PPFIBP1: variants seen among roughly 807,000 people sequenced by gnomAD.
The protein encoded by PPFIBP1 is PPFIB scaffold protein 1, also known as liprin-beta-1.
A neutral mutation model predicts 137.8 loss-of-function variants in PPFIBP1; 112 were observed. The ratio of observed to expected loss-of-function variants is 0.81; its 90% CI spans 0.70 to 0.95. The LOEUF is 0.95. Among genes scored for constraint, PPFIBP1 ranks in the 40% least tolerant of loss-of-function variants. PPFIBP1 has a pLI of 0.00. For synonymous variants in PPFIBP1, 378 were observed against 417.3 expected, an observed-to-expected ratio of 0.91 and a Z score of 1.15; for missense variants, 1,083 against 1,196.6, an observed-to-expected ratio of 0.91 and a Z score of 1.40.
At chr12:27,682,245 C>G (rs1391573923) in intron 22 of PPFIBP1, 142 bp from the exon 23 acceptor site, 2 of 667,282 alleles carry the variant, frequency 3.0e-6, no homozygotes. Context: ...TTCAACAACA[C>G]TTTACTAGCC....
intron 4 of PPFIBP1, among the ~76,000 whole-genome samples, chr12:27,640,499 C>T (rs2058040945): frequency 2.0e-5 from 3 of 152,142 alleles, no homozygotes; most frequent in Admixed American, 6.5e-5. Flanking sequence ...ACACTGGGAA[C>T]TTCTTTTTTC....
At chr12:27,540,511 A>G (rs1044915753) in intron 1 of PPFIBP1, among the ~76,000 whole-genome samples, 1 of 151,772 alleles carries the variant, frequency 6.6e-6, no homozygotes, top group Non-Finnish European at 1.5e-5. Context: ...GATTACAGGC[A>G]TGGGCTATTG....
chr12:27,682,810 T>A, intron 24 of PPFIBP1, 107 bp downstream of exon 24: 1 of 1,551,650 alleles, frequency 6.4e-7, no homozygotes, highest in South Asian at 1.2e-5. Context: ...CACCAGAGTT[T>A]GAAGCTGTTG....
intron 2 of PPFIBP1, among the ~76,000 whole-genome samples, chr12:27,598,969 T>G (rs1291149689): frequency 6.6e-6 from 1 of 152,204 alleles, no homozygotes; most frequent in Non-Finnish European, 1.5e-5. Flanking sequence ...TGATAGTATG[T>G]TGTGGATTTA....
intron 1 of PPFIBP1, among the ~76,000 whole-genome samples, chr12:27,541,275 T>TA (rs1482181419): frequency 6.7e-6 from 1 of 150,288 alleles, no homozygotes; most frequent in Non-Finnish European, 1.5e-5. Flanking sequence ...AAAAAAAAAA[T>TA]AGAGAAAGTT....
chr12:27,529,024 A>G (rs1944101886), intron 1 of PPFIBP1, among the ~76,000 whole-genome samples: 1 of 152,250 alleles, frequency 6.6e-6, no homozygotes. Flanking sequence ...TAGAAAGATC[A>G]TGTAGTGGTT....
intron 2 of PPFIBP1, among the ~76,000 whole-genome samples, chr12:27,619,062 A>G (rs568671468): frequency 3.3e-5 from 5 of 152,134 alleles, no homozygotes; most frequent in Non-Finnish European, 7.4e-5. Flanking sequence ...CTATAGGAGT[A>G]CTTGATGATG....
intron 9 of PPFIBP1, among the ~76,000 whole-genome samples, chr12:27,657,289 TGA>T (rs1253746947): frequency 1.3e-5 from 2 of 152,098 alleles, no homozygotes; most frequent in Non-Finnish European, 2.9e-5. Flanking sequence ...AGGTTTGTTC[TGA>T]GTATTATATG....
At chr12:27,647,453 T>G (rs7959051) in intron 5 of PPFIBP1, among the ~76,000 whole-genome samples, 1 of 152,214 alleles carries the variant, frequency 6.6e-6, no homozygotes, top group Non-Finnish European at 1.5e-5. Context: ...CATGCTGTCT[T>G]TCATAAATGG....
chr12:27,561,963 T>C (rs2049203583), intron 1 of PPFIBP1, among the ~76,000 whole-genome samples: 1 of 152,008 alleles, frequency 6.6e-6, no homozygotes. Context: ...AGTGGGAGGT[T>C]CACTTGAGCC....
At chr12:27,609,332 T>C (rs1476346736) in intron 2 of PPFIBP1, among the ~76,000 whole-genome samples, 1 of 152,188 alleles carries the variant, frequency 6.6e-6, no homozygotes, top group Non-Finnish European at 1.5e-5. Flanking sequence ...AGAAATGGCA[T>C]CCTCATCTGC....
chr12:27,680,235 CAGA>C (rs1261682861), intron 21 of PPFIBP1, among the ~76,000 whole-genome samples, 174 bp downstream of exon 21: 1 of 152,170 alleles, frequency 6.6e-6, no homozygotes, highest in South Asian at 2.1e-4. Context: ...GATGAACAAA[CAGA>C]AGGTGAGGGC....
At chr12:27,653,434 A>C (rs1202269114) in intron 7 of PPFIBP1, among the ~76,000 whole-genome samples, 1 of 152,174 alleles carries the variant, frequency 6.6e-6, no homozygotes, top group African/African-American at 2.4e-5. Context: ...TAAAAATACA[A>C]AAATTATCTG....
chr12:27,567,496 T>C (rs2049783030), intron 1 of PPFIBP1, among the ~76,000 whole-genome samples: 1 of 152,192 alleles, frequency 6.6e-6, no homozygotes, highest in African/African-American at 2.4e-5. Context: ...ACATATGTAC[T>C]AAAATATTCA....
chr12:27,625,577 A>G (rs1411856522), intron 2 of PPFIBP1, among the ~76,000 whole-genome samples: 1 of 149,906 alleles, frequency 6.7e-6, no homozygotes, highest in Non-Finnish European at 1.5e-5. Flanking sequence ...ACAGTTTTTT[A>G]CAGTTTTTTT....
chr12:27,623,901 C>T (rs1458531432), intron 2 of PPFIBP1, among the ~76,000 whole-genome samples: 2 of 152,078 alleles, frequency 1.3e-5, no homozygotes, highest in African/African-American at 4.8e-5. Context: ...TGGTGTCCAC[C>T]ACACTAGAAG....
At chr12:27,623,737 G>A (rs1402570566) in intron 2 of PPFIBP1, among the ~76,000 whole-genome samples, 1 of 151,902 alleles carries the variant, frequency 6.6e-6, no homozygotes, top group African/African-American at 2.4e-5. Flanking sequence ...AAAAAAACAA[G>A]TAAAGGTCAA....
chr12:27,613,166 G>A (rs1199395809), intron 2 of PPFIBP1, among the ~76,000 whole-genome samples: 1 of 152,206 alleles, frequency 6.6e-6, no homozygotes, highest in African/African-American at 2.4e-5. Context: ...CTCCCTGATT[G>A]CCATGCCTGG....
chr12:27,688,027 A>C (rs1458157836), intron 25 of PPFIBP1, among the ~76,000 whole-genome samples: 1 of 152,100 alleles, frequency 6.6e-6, no homozygotes, highest in African/African-American at 2.4e-5. Flanking sequence ...TGGAGGCTGC[A>C]GTGAGCCCTG....
Sources: allele counts gnomAD v4.1 joint callset (sites outside exome capture counted in the v4.1 genomes callset), GRCh38; gene constraint gnomAD v4.1.1; transcripts MANE v1.5; gene names NCBI Gene and HGNC (gene_info 2026-07-23, HGNC 2026-07-21).